ZNF469: variants seen among roughly 807,000 people sequenced by gnomAD.
ZNF469 encodes zinc finger protein 469.
ZNF469 carries 1 observed loss-of-function variant against 1.0 expected under a neutral mutation model. The observed-to-expected ratio is 1.00, with a 90% CI of 0.35 to 4.73. The LOEUF (loss-of-function observed/expected upper bound fraction) is 4.73. ZNF469 is among the 30% of genes most tolerant of loss of function. ZNF469 has a pLI of 0.16. For missense variants in ZNF469, 6,100 were observed against 5,356.3 expected (o/e 1.14, Z -4.33); for synonymous variants, 2,703 against 2,363.4 (o/e 1.14, Z -4.17).
the ZNF469 span, among the ~76,000 whole-genome samples, chr16:88,340,523 CAAG>C: frequency 2.6e-5 from 4 of 152,214 alleles, no homozygotes; most frequent in Non-Finnish European, 4.4e-5. Flanking sequence ...GTCAGGCCCA[CAAG>C]AAGTTCTCGA....
rs1184091499 is a variant in ZNF469, at chr16:88,427,502, C to A, written c.32C>A (p.Pro11His). ...GGGGAGCGCCCCCGAGGAGCGCCGC[C>A]CCCCACCATGACTGGAGACCTGCAG... MPGERPRGAP[P>H]PTMTGDLQPR... is the part of the protein sequence containing the mutation. Residue 11 changes from proline to histidine, a missense_variant, in exon 3 of 3, where the codon CCC (proline) becomes CAC (histidine). Physicochemically the swap from Pro to His is moderately conservative, Grantham distance 77. Coordinates refer to ENST00000565624, the MANE Select transcript of ZNF469 (RefSeq NM_001367624.2). 6.5e-7 allele frequency: 1 copy of A among 1,530,408 alleles called. No individual in the cohort carries two copies. The highest frequency in any genetic ancestry group is 2.5e-5 in the East Asian group (1 of 40,768). 94.8% of individuals were successfully genotyped at this position (1,530,408 alleles called of 1,614,324 possible).
chr16:88,117,444 C>CT, the ZNF469 span, among the ~76,000 whole-genome samples: 14 of 152,222 alleles, frequency 9.2e-5, no homozygotes, highest in Non-Finnish European at 1.5e-4. Context: ...TCCCTTTGAT[C>CT]TTTTTTTACT....
the ZNF469 span, among the ~76,000 whole-genome samples, chr16:88,144,710 C>G: frequency 1.3e-5 from 2 of 152,202 alleles, no homozygotes; most frequent in Non-Finnish European, 2.9e-5. Context: ...GAAGCTCTAT[C>G]CTTGCTTTTC....
In ZNF469 at chr16:88,431,869, C is replaced by T. The variant is rs761094844; in HGVS notation, c.4399C>T (p.Pro1467Ser). The T allele has an allele frequency of 2.1e-5, 32 of 1,549,872 alleles. No individual in the cohort carries two copies. The highest frequency in any genetic ancestry group is 2.8e-5 in the Non-Finnish European group (32 of 1,146,776). The change falls in exon 3 of 3, where the codon CCC (proline) becomes TCC (serine). Residue 1467 changes from proline (P) to serine (S), a missense_variant. Transcript: ENST00000565624. ...CCTGCCGGTGGACAGATTCGACCCA[C>T]CCCTCTATGGCAGCCTGTCTGCGAA... is the stretch of plus-strand genomic sequence containing the variant. ...PDLPVDRFDPPLYGSLSANRD... is the reference protein window; with the variant it reads ...PDLPVDRFDPSLYGSLSANRD...
At chr16:88,389,583 C>T (rs911671403) in intron 1 of ZNF469, among the ~76,000 whole-genome samples, 2 of 152,220 alleles carry the variant, frequency 1.3e-5, no homozygotes, top group African/African-American at 4.8e-5. Flanking sequence ...CCCACTCTTT[C>T]CCACCGTTCC....
In ZNF469 at chr16:88,439,119, C is replaced by T. The variant is rs2142318168; in HGVS notation, c.11649C>T (p.Gly3883=). ...CAGAGCAGCGGAAGGCAGAGCCGGG[C>T]CACACACAGAGGAAGGACAGACTGG... ...PPSEQRKAEP[G]HTQRKDRLGK... Residue 3883 remains glycine, a synonymous_variant, in exon 3 of 3, where the codon GGC becomes GGT. Coordinates refer to ENST00000565624, the MANE Select transcript of ZNF469 (RefSeq NM_001367624.2). The T allele has an allele frequency of 6.4e-7, 1 of 1,550,962 alleles. No individual in the cohort carries two copies.
chr16:88,239,486 T>C, the ZNF469 span, among the ~76,000 whole-genome samples: 5 of 147,024 alleles, frequency 3.4e-5, no homozygotes, highest in Non-Finnish European at 7.5e-5. Context: ...TTCATGATGG[T>C]CTCTCTTTTT....
the ZNF469 span, among the ~76,000 whole-genome samples, chr16:88,327,846 C>T: frequency 2.0e-5 from 3 of 152,208 alleles, no homozygotes; most frequent in South Asian, 4.1e-4. Flanking sequence ...GGCCGGATCC[C>T]GAGTTCAGCT....
chr16:88,365,574 C>A, the ZNF469 span, among the ~76,000 whole-genome samples: 2 of 152,344 alleles, frequency 1.3e-5, no homozygotes, highest in Non-Finnish European at 2.9e-5. Flanking sequence ...CCAGCAGAAG[C>A]CCTCGGCTGT....
Position 88,435,360 on chromosome 16 carries a change from G to A in ZNF469, c.7890G>A (p.Lys2630=). Residue 2630 remains lysine (K), a synonymous_variant, in exon 3 of 3, where the codon AAG becomes AAA. Transcript: ENST00000565624. Reference sequence around the variant, plus strand: ...ACTCTCCTAGCCACTCAGAGGGGAAGTCAAATAAGAAAAGGGGAAAGCTGA... The same window carrying A: ...ACTCTCCTAGCCACTCAGAGGGGAAATCAAATAAGAAAAGGGGAAAGCTGA... The part of the protein sequence containing the change: ...TVDSPSHSEG[K]SNKKRGKLRG... The A allele has an allele frequency of 6.4e-7, 1 of 1,550,414 alleles. No homozygotes were observed. Among genetic ancestry groups the A allele is most frequent in the Non-Finnish European group, 8.7e-7 (1 of 1,146,998 alleles).
the ZNF469 span, among the ~76,000 whole-genome samples, chr16:88,368,508 T>C: frequency 2.6e-5 from 4 of 152,292 alleles, no homozygotes; most frequent in Admixed American, 2.0e-4. Flanking sequence ...GGGAGCAGCC[T>C]CTGGGGAGAG....
the ZNF469 span, among the ~76,000 whole-genome samples, chr16:88,356,536 G>C: frequency 6.6e-6 from 1 of 151,556 alleles, no homozygotes; most frequent in Non-Finnish European, 1.5e-5. Flanking sequence ...CCGTGTGCCT[G>C]TGTGTGTTGA....
Position 88,434,324 on chromosome 16 carries a change from C to A in ZNF469, c.6854C>A (p.Ala2285Asp). The change falls in exon 3 of 3, where the codon GCT becomes GAT. Residue 2285 changes from alanine (A) to aspartate (D), a missense_variant. Coordinates refer to ENST00000565624, the MANE Select transcript of ZNF469 (RefSeq NM_001367624.2). The stretch of plus-strand genomic sequence containing the variant: ...GTCTCCCCCAGCGTGGCCGTCAGGG[C>A]TACTGGCCTGTCCAGCACTCCCACC... The part of the protein sequence containing the change: ...GAVSPSVAVR[A>D]TGLSSTPTGD... 6.5e-7 allele frequency: 1 copy of A among 1,550,342 alleles called. No homozygotes were observed. The highest frequency in any genetic ancestry group is 8.7e-7 in the Non-Finnish European group (1 of 1,146,966).
At chr16:88,422,539 A>AGGTGGATGGGGGGATGGGCG (rs1905507234) in intron 1 of ZNF469, among the ~76,000 whole-genome samples, 1 of 100,964 alleles carries the variant, frequency 9.9e-6, no homozygotes, top group African/African-American at 3.9e-5. Flanking sequence ...ATGGATGGGC[A>AGGTGGATGGGGGGATGGGCG]GGTGGATGGG....
chr16:88,185,899 G>A, the ZNF469 span, among the ~76,000 whole-genome samples: 4 of 150,664 alleles, frequency 2.7e-5, no homozygotes, highest in Non-Finnish European at 4.4e-5. Flanking sequence ...TATGTGCGCA[G>A]ACCCACAGAC....
chr16:88,402,473 T>C (rs1344865158), intron 1 of ZNF469, among the ~76,000 whole-genome samples: 1 of 152,064 alleles, frequency 6.6e-6, no homozygotes, highest in African/African-American at 2.4e-5. Context: ...GGGCACCAGC[T>C]TGGGGAGAGG....
intron 1 of ZNF469, among the ~76,000 whole-genome samples, chr16:88,386,957 T>G (rs1904345997): frequency 1.3e-5 from 2 of 152,202 alleles, no homozygotes; most frequent in African/African-American, 4.8e-5. Flanking sequence ...AGGGACTGGC[T>G]GCAATCGTAT....
At chr16:88,286,395 T>TG in the ZNF469 span, among the ~76,000 whole-genome samples, 1 of 152,264 alleles carries the variant, frequency 6.6e-6, no homozygotes, top group Non-Finnish European at 1.5e-5. Flanking sequence ...CCTGCCTGTC[T>TG]GCTCTGAGCT....
At chr16:88,220,099 T>G in the ZNF469 span, among the ~76,000 whole-genome samples, 1 of 151,394 alleles carries the variant, frequency 6.6e-6, no homozygotes, top group African/African-American at 2.4e-5. Context: ...TCCAATAGAG[T>G]TTTTCTAGCC....
Sources: gnomAD v4.1 joint callset for allele counts (sites outside exome capture counted in the v4.1 genomes callset) on GRCh38, gnomAD v4.1.1 for gene constraint, MANE v1.5 for transcripts, NCBI Gene and HGNC (gene_info 2026-07-23, HGNC 2026-07-21) for gene names.